MARCHF3: variants seen among roughly 807,000 people sequenced by gnomAD.
The protein encoded by MARCHF3 is membrane associated ring-CH-type finger 3.
Under a neutral mutation model 24.2 loss-of-function variants are expected in MARCHF3, and 13 were observed. The ratio of observed to expected loss-of-function variants is 0.54; its 90% confidence interval spans 0.35 to 0.85. The LOEUF is 0.85. MARCHF3 is among the 40% of genes least tolerant of loss of function. MARCHF3 has a pLI of 0.01. For missense variants in MARCHF3, 276 were observed against 325.0 expected, an observed-to-expected ratio of 0.85 and a Z score of 1.16; for synonymous variants, 144 against 137.3, an observed-to-expected ratio of 1.05 and a Z score of -0.34.
At chr5:126,879,474 T>C (rs1188691966) in intron 3 of MARCHF3, among the ~76,000 whole-genome samples, 1 of 152,214 alleles carries the variant, frequency 6.6e-6, no homozygotes, top group Non-Finnish European at 1.5e-5. Context: ...ATCTTGATTA[T>C]GCTGCCATCT....
intron 1 of MARCHF3, among the ~76,000 whole-genome samples, chr5:126,958,780 A>C (rs1750538012): frequency 6.6e-6 from 1 of 152,192 alleles, no homozygotes; most frequent in African/African-American, 2.4e-5. Context: ...CTGATTTTTA[A>C]GTGTAATGTG....
intron 4 of MARCHF3, among the ~76,000 whole-genome samples, 171 bp from the exon 5 acceptor site, chr5:126,870,962 G>A (rs1012166747): frequency 2.0e-5 from 3 of 152,206 alleles, no homozygotes; most frequent in African/African-American, 7.2e-5. Flanking sequence ...TTGAGAGATT[G>A]GGCACCAGCC....
At chr5:126,963,563 C>G (rs920229791) in intron 1 of MARCHF3, among the ~76,000 whole-genome samples, 1 of 152,074 alleles carries the variant, frequency 6.6e-6, no homozygotes. Flanking sequence ...ATATTTGCTA[C>G]AGAGATTTAT....
intron 3 of MARCHF3, among the ~76,000 whole-genome samples, chr5:126,886,053 G>T (rs1348556121): frequency 2.7e-5 from 4 of 150,538 alleles, no homozygotes; most frequent in Non-Finnish European, 5.9e-5. Context: ...AATTGAGAAG[G>T]GTACATACCA....
At chr5:126,887,263 A>G (rs1337254664) in intron 3 of MARCHF3, among the ~76,000 whole-genome samples, 1 of 152,212 alleles carries the variant, frequency 6.6e-6, no homozygotes, top group Middle Eastern at 3.2e-3. Context: ...GAAAAAAAAA[A>G]TCACATCTTT....
chr5:126,892,222 T>C (rs1753718002), intron 3 of MARCHF3, among the ~76,000 whole-genome samples: 2 of 143,706 alleles, frequency 1.4e-5, no homozygotes, highest in South Asian at 4.7e-4. Context: ...TATACAATCA[T>C]GTCGTCTGCA....
intron 1 of MARCHF3, among the ~76,000 whole-genome samples, chr5:126,994,969 A>G (rs1751899142): frequency 1.3e-5 from 2 of 152,246 alleles, no homozygotes; most frequent in Admixed American, 6.5e-5. Context: ...AAAGATGAAG[A>G]CTGGAAGACT....
Position 127,011,669 on chromosome 5 carries a change from C to T in MARCHF3, c.-57+18681G>A, listed in dbSNP as rs576738441. ...CTAAAAGTGTAGTTTTCCCCCACAT[C>T]CCTATATTATCACACCTTCAAATAT... is the stretch of plus-strand genomic sequence containing the variant. On this transcript the variant is annotated intron_variant, in intron 1 of 4. Coordinates refer to ENST00000308660, the MANE Select transcript of MARCHF3 (RefSeq NM_178450.5). Among the ~76,000 whole-genome samples the T allele has an allele frequency of 2.6e-5, 4 of 152,276 alleles. No homozygotes were observed. In the East Asian group the frequency reaches 7.7e-4, roughly 29 times the overall value.
At chr5:126,986,490 A>ATC (rs1751571760) in intron 1 of MARCHF3, among the ~76,000 whole-genome samples, 1 of 152,252 alleles carries the variant, frequency 6.6e-6, no homozygotes, top group Non-Finnish European at 1.5e-5. Context: ...AATTAAACTC[A>ATC]CAGTATGAAG....
chr5:126,918,032 T>C lies in MARCHF3; in HGVS notation c.140A>G (p.Lys47Arg), dbSNP rs1748958265. ...TACTGTTGACAGCAGCTGCCCGTCC[T>C]TGGCTGAAACTTGCATGACATACTG... Reference protein sequence around the residue: ...QPQYVMQVSAKDGQLLSTVVR... With the variant: ...QPQYVMQVSARDGQLLSTVVR... Residue 47 changes from lysine to arginine, a missense_variant, in exon 2 of 5, where the codon AAG becomes AGG. Physicochemically the swap from Lys to Arg is conservative, Grantham distance 26 (BLOSUM62 2). Coordinates refer to ENST00000308660, the MANE Select transcript of MARCHF3 (RefSeq NM_178450.5). The C allele has an allele frequency of 6.2e-7, 1 of 1,614,058 alleles. No homozygotes were observed.
chr5:126,989,661 G>T (rs1474547744), intron 1 of MARCHF3, among the ~76,000 whole-genome samples: 1 of 152,162 alleles, frequency 6.6e-6, no homozygotes, highest in African/African-American at 2.4e-5. Context: ...GCACTACTGT[G>T]ATCTGATGAA....
At chr5:126,925,242 T>C (rs1749252917) in intron 1 of MARCHF3, among the ~76,000 whole-genome samples, 1 of 152,290 alleles carries the variant, frequency 6.6e-6, no homozygotes, top group Admixed American at 6.5e-5. Context: ...AAAAAAAACC[T>C]GACCAGCATA....
chr5:126,906,654 A>G (rs966902892), intron 3 of MARCHF3, among the ~76,000 whole-genome samples: 19 of 152,206 alleles, frequency 1.2e-4, no homozygotes, highest in East Asian at 3.9e-4. Flanking sequence ...CTGTGGGATC[A>G]GTGGTGATAT....
rs2126789684 is a variant in MARCHF3, at chr5:126,910,923, C to T, written c.393+4007G>A. ...TTCTTTTTCTCAGCAAGGAACATCC[C>T]TGAGAAATAGAATGCGTCCCTGAGG... On this transcript the variant is annotated intron_variant, in intron 3 of 4. Coordinates refer to ENST00000308660, the MANE Select transcript of MARCHF3 (RefSeq NM_178450.5). 1.3e-5 allele frequency among the ~76,000 whole-genome samples: 2 copies of T among 152,280 alleles called. 1 individual carries two copies. The highest frequency in any genetic ancestry group is 3.9e-4 in the East Asian group (2 of 5,190).
At position 126,954,349 on chromosome 5, in the gene MARCHF3, T is replaced by C. The variant is rs1750363488; in HGVS notation, c.-56-36122A>G. ...CAGGCGTGAGCCACCGTGCCCGGCCTAACCTCTTCTAATTTTATGGATACA... is the reference window on the plus strand; with the variant it reads ...CAGGCGTGAGCCACCGTGCCCGGCCCAACCTCTTCTAATTTTATGGATACA... On this transcript the variant is annotated intron_variant, in intron 1 of 4. Transcript: ENST00000308660. Among the ~76,000 whole-genome samples the C allele has an allele frequency of 2.7e-5, 4 of 149,840 alleles. No homozygotes were observed. The South Asian group carries it at 8.5e-4, about 32-fold the overall frequency.
intron 1 of MARCHF3, among the ~76,000 whole-genome samples, chr5:127,009,882 T>C (rs74708959): frequency 0.011 from 1,701 of 152,318 alleles, 35 homozygotes; most frequent in African/African-American, 0.039. Flanking sequence ...ATCCTTACAA[T>C]GAAAAGTTAC....
At chr5:126,877,961 A>G (rs1330104067) in intron 4 of MARCHF3, among the ~76,000 whole-genome samples, 3 of 152,220 alleles carry the variant, frequency 2.0e-5, no homozygotes, top group Non-Finnish European at 2.9e-5. Context: ...CCCAGAAGCC[A>G]AACTTTTTCT....
intron 1 of MARCHF3, among the ~76,000 whole-genome samples, chr5:126,964,057 T>C (rs572108637): frequency 2.0e-5 from 3 of 152,358 alleles, no homozygotes; most frequent in Admixed American, 1.3e-4. Context: ...TGATACTTTG[T>C]AGGGTATTTG....
At chr5:126,911,541 G>C (rs1012356456) in intron 3 of MARCHF3, among the ~76,000 whole-genome samples, 1 of 152,164 alleles carries the variant, frequency 6.6e-6, no homozygotes, top group African/African-American at 2.4e-5. Flanking sequence ...ATTGGACATA[G>C]ACCTTATGAG....
Sources: allele counts gnomAD v4.1 joint callset (sites outside exome capture counted in the v4.1 genomes callset), GRCh38; gene constraint gnomAD v4.1.1; transcripts MANE v1.5; gene names NCBI Gene and HGNC (gene_info 2026-07-23, HGNC 2026-07-21).